Variants in TET3 observed in about 807,000 individuals in gnomAD.
TET3 encodes tet methylcytosine dioxygenase 3.
In TET3, 19 loss-of-function variants were observed where a neutral mutation model predicts 141.4. That is an observed-to-expected ratio of 0.13 (90% CI 0.09 to 0.20). TET3 has a LOEUF of 0.20. Among genes scored for constraint, TET3 ranks in the 10% least tolerant of loss-of-function variants. The probability of loss-of-function intolerance (pLI) is 1.00; values close to 1 mark genes in which losing one functional copy is unlikely to be tolerated. For missense variants in TET3, 1,874 were observed against 2,356.9 expected (o/e 0.80, Z 4.24); for synonymous variants, 1,043 against 980.9 (o/e 1.06, Z -1.18).
At chr2:74,030,159 G>A (rs1686601634) in intron 3 of TET3, among the ~76,000 whole-genome samples, 1 of 152,194 alleles carries the variant, frequency 6.6e-6, no homozygotes, top group Non-Finnish European at 1.5e-5. Context: ...AATTATGTAT[G>A]CATATAGGAA....
At chr2:74,135,346 T>C in the TET3 span, 12 of 616,378 alleles carry the variant, frequency 1.9e-5, no homozygotes, top group South Asian at 2.3e-4. Flanking sequence ...AGGACAGAAC[T>C]GTCTAAAGAC....
the TET3 span, among the ~76,000 whole-genome samples, chr2:74,132,137 A>C: frequency 1.3e-5 from 2 of 152,150 alleles, no homozygotes; most frequent in Non-Finnish European, 2.9e-5. Flanking sequence ...TCTTTGAAGA[A>C]TAGAACCCCC....
At chr2:74,008,153 A>G (rs1386600746) in intron 3 of TET3, among the ~76,000 whole-genome samples, 1 of 152,160 alleles carries the variant, frequency 6.6e-6, no homozygotes, top group East Asian at 1.9e-4. Flanking sequence ...CCCCTTCTGG[A>G]CATGACTTTT....
At chr2:74,113,746 G>A in the TET3 span, among the ~76,000 whole-genome samples, 895 of 152,146 alleles carry the variant, frequency 5.9e-3, 14 homozygotes, top group African/African-American at 0.02. Flanking sequence ...ATTTAACCAA[G>A]GAGGTGAAAG....
In TET3 at chr2:74,087,770, G is replaced by A. The variant is rs927495730; in HGVS notation, c.2680-60G>A. Reference sequence around the variant, plus strand: ...GGTCTGTGTGACAAAGGGAGGGGTGGCACCATGCAGAGGAGCACGGGTACC... The same window carrying A: ...GGTCTGTGTGACAAAGGGAGGGGTGACACCATGCAGAGGAGCACGGGTACC... On this transcript the variant is annotated intron_variant, in intron 6 of 11. Transcript: ENST00000409262. This position sits in a 1 kb window ranked among gnomAD's most constrained non-coding sequence, Gnocchi z 4.3. 6.1e-6 allele frequency: 9 copies of A among 1,470,266 alleles called. No individual in the cohort carries two copies. The highest frequency in any genetic ancestry group is 8.2e-6 in the Non-Finnish European group (9 of 1,096,026). 91.1% of individuals were successfully genotyped at this position (1,470,266 alleles called of 1,614,324 possible). A position where few individuals can be genotyped will look rare whatever the true frequency, so the allele number is the denominator to read the frequency against.
Position 74,093,762 on chromosome 2 carries a change from G to T in TET3, c.3267+96G>T. The T allele has an allele frequency of 2.2e-6, 3 of 1,390,334 alleles. No homozygotes were observed. Among genetic ancestry groups the T allele is most frequent in the Non-Finnish European group, 2.8e-6 (3 of 1,058,456 alleles). The allele number at this position is 1,390,334 out of a possible 1,614,324, so 86.1% of individuals were successfully genotyped here. A position where few individuals can be genotyped will look rare whatever the true frequency, so the allele number is the denominator to read the frequency against. ...GAAAGGCAGGCTGAGGGTAGGGAGGGACCTGGAGACAGGATCCTCAGAACT... is the reference window on the plus strand; with the variant it reads ...GAAAGGCAGGCTGAGGGTAGGGAGGTACCTGGAGACAGGATCCTCAGAACT... On this transcript the variant is annotated intron_variant, in intron 10 of 11. Transcript: ENST00000409262. This position sits in a 1 kb window ranked among gnomAD's most constrained non-coding sequence, Gnocchi z 4.2.
At chr2:74,029,844 A>G (rs757104444) in intron 3 of TET3, among the ~76,000 whole-genome samples, 1 of 152,194 alleles carries the variant, frequency 6.6e-6, no homozygotes, top group Non-Finnish European at 1.5e-5. Context: ...TCCTGTCAGT[A>G]ACTACACTAG....
intron 4 of TET3, among the ~76,000 whole-genome samples, chr2:74,054,949 G>A (rs544312666): frequency 1.3e-4 from 20 of 152,252 alleles, no homozygotes; most frequent in African/African-American, 4.6e-4. Context: ...AGGCTGGATA[G>A]CAGTGGCAGA....
chr2:74,031,575 A>G (rs887791654), intron 3 of TET3, among the ~76,000 whole-genome samples: 45 of 152,312 alleles, frequency 3.0e-4, no homozygotes, highest in African/African-American at 1.0e-3. Context: ...GTTGAAGTTT[A>G]GGATAAAGAG....
the TET3 span, chr2:74,130,818 C>G: frequency 6.6e-6 from 1 of 152,264 alleles, no homozygotes; most frequent in African/African-American, 2.4e-5. Flanking sequence ...CAGGCATCTT[C>G]TGCGCGCAGG....
intron 3 of TET3, among the ~76,000 whole-genome samples, chr2:74,044,342 T>TAAA (rs1687502058): frequency 6.6e-6 from 1 of 152,180 alleles, no homozygotes; most frequent in Non-Finnish European, 1.5e-5. Flanking sequence ...AATGTGTAGG[T>TAAA]TTTGTCTCAT....
chr2:74,061,572 G>A (rs1311661788), intron 4 of TET3, among the ~76,000 whole-genome samples: 5 of 146,428 alleles, frequency 3.4e-5, no homozygotes, highest in East Asian at 2.0e-4. Context: ...CCTCCCGGAC[G>A]GGGCGGCTGG....
rs150431263 is a variant in TET3, at chr2:74,008,843, T to C, written c.360+5677T>C. Among the ~76,000 whole-genome samples the C allele has an allele frequency of 3.5e-3, 530 of 152,140 alleles. 7 individuals are homozygous for C. The highest frequency in any genetic ancestry group is 0.012 in the African/African-American group (518 of 41,478). Reference sequence around the variant, plus strand: ...CATTCCAAGGATAGGAAGATTAGGGTCTAAAGAAATCCTGGTTACCTCCGA... The same window carrying C: ...CATTCCAAGGATAGGAAGATTAGGGCCTAAAGAAATCCTGGTTACCTCCGA... On this transcript the variant is annotated intron_variant, in intron 3 of 11. Transcript: ENST00000409262.
At chr2:74,094,270 C>T (rs763541127) in intron 10 of TET3, among the ~76,000 whole-genome samples, 1 of 152,070 alleles carries the variant, frequency 6.6e-6, no homozygotes, top group Non-Finnish European at 1.5e-5. Context: ...GTAGAGTGCT[C>T]CAGGCAGAGG....
chr2:74,131,202 C>A, the TET3 span, among the ~76,000 whole-genome samples: 31 of 152,148 alleles, frequency 2.0e-4, no homozygotes, highest in African/African-American at 7.2e-4. Context: ...ATCACTGTAT[C>A]TTCTTTACTT....
intron 4 of TET3, among the ~76,000 whole-genome samples, chr2:74,056,086 G>T (rs763101153): frequency 2.0e-5 from 3 of 152,202 alleles, no homozygotes; most frequent in Non-Finnish European, 4.4e-5. Flanking sequence ...GGTACAAATG[G>T]AGCCTTTGTG....
rs377648103 is a variant in TET3 at position 74,093,540 on chromosome 2, G to A, written c.3141G>A (p.Glu1047=). ...PQAYQNQVTN[E]EIAIDCRLGL... Reference sequence around the variant, plus strand: ...GGCTGTCTACACAGGTGACCAACGAGGAAATAGCGATTGACTGCCGTCTGG... The same window carrying A: ...GGCTGTCTACACAGGTGACCAACGAAGAAATAGCGATTGACTGCCGTCTGG... Residue 1047 remains glutamate (E), a synonymous_variant, in exon 10 of 12, where the codon GAG becomes GAA. Coordinates refer to ENST00000409262, the MANE Select transcript of TET3 (RefSeq NM_001287491.2). This position sits in a 1 kb window ranked among gnomAD's most constrained non-coding sequence, Gnocchi z 4.2. 3.7e-5 allele frequency: 59 copies of A among 1,610,676 alleles called. No homozygotes were observed. The highest frequency in any genetic ancestry group is 5.0e-5 in the Admixed American group (3 of 59,740).
At chr2:74,030,984 G>A (rs528412422) in intron 3 of TET3, among the ~76,000 whole-genome samples, 5 of 150,580 alleles carry the variant, frequency 3.3e-5, no homozygotes, top group African/African-American at 7.5e-5. Context: ...AGGGATGTCC[G>A]GGGGGGAGTT....
chr2:74,064,171 T>C (rs1206518524), intron 4 of TET3, among the ~76,000 whole-genome samples: 2 of 152,134 alleles, frequency 1.3e-5, no homozygotes, highest in African/African-American at 4.8e-5. Context: ...TTATAATCAA[T>C]GATGTCTTAT....
Sources: gnomAD v4.1 joint callset for allele counts (sites outside exome capture counted in the v4.1 genomes callset) on GRCh38, gnomAD v4.1.1 for gene constraint, Gnocchi (gnomAD v3.1) non-coding constraint, MANE v1.5 for transcripts, NCBI Gene and HGNC (gene_info 2026-07-23, HGNC 2026-07-21) for gene names.